SETD3: variants seen among roughly 807,000 people sequenced by gnomAD.
SETD3 encodes actin-histidine N-methyltransferase.
SETD3 carries 19 observed loss-of-function variants against 63.0 expected under a neutral mutation model. That is an observed-to-expected ratio of 0.30 (90% CI 0.21 to 0.44). SETD3 has a LOEUF of 0.44. Among genes scored for constraint, SETD3 ranks in the 20% least tolerant of loss-of-function variants. The pLI is 1.00. For missense variants in SETD3, 587 were observed against 728.5 expected, an observed-to-expected ratio of 0.81 and a Z score of 2.24; for synonymous variants, 286 against 264.1, an observed-to-expected ratio of 1.08 and a Z score of -0.80.
intron 6 of SETD3, among the ~76,000 whole-genome samples, chr14:99,446,087 G>C (rs1281704953): frequency 1.3e-5 from 2 of 152,144 alleles, no homozygotes; most frequent in Non-Finnish European, 2.9e-5. Context: ...CTCAGCTTCC[G>C]CCTTGACTGG....
chr14:99,416,945 T>C (rs1474267334), intron 6 of SETD3, among the ~76,000 whole-genome samples: 1 of 152,118 alleles, frequency 6.6e-6, no homozygotes, highest in Admixed American at 6.5e-5. Context: ...CACAGTAATA[T>C]TGTACCGAGT....
intron 1 of SETD3, among the ~76,000 whole-genome samples, chr14:99,471,214 G>A (rs1277904306): frequency 1.3e-5 from 2 of 152,114 alleles, no homozygotes; most frequent in African/African-American, 2.4e-5. Flanking sequence ...ACACATAGAA[G>A]GTCAAAATTT....
intron 1 of SETD3, among the ~76,000 whole-genome samples, chr14:99,469,797 C>T (rs1895598149): frequency 6.6e-6 from 1 of 152,160 alleles, no homozygotes; most frequent in African/African-American, 2.4e-5. Context: ...TGGACTCATC[C>T]CCATGCATGC....
chr14:99,452,180 C>T (rs1349415366), intron 6 of SETD3, among the ~76,000 whole-genome samples: 2 of 152,172 alleles, frequency 1.3e-5, no homozygotes, highest in Non-Finnish European at 2.9e-5. Context: ...GATCTCGGCT[C>T]ACTGCAACCT....
chr14:99,436,191 G>A (rs556673541), intron 6 of SETD3, among the ~76,000 whole-genome samples: 69 of 152,182 alleles, frequency 4.5e-4, no homozygotes, highest in African/African-American at 1.6e-3. Context: ...TGGTGATCAC[G>A]GGAATGATGG....
intron 12 of SETD3, 123 bp from the exon 13 acceptor site, chr14:99,399,248 A>G (rs1008891595): frequency 2.8e-5 from 20 of 702,274 alleles, no homozygotes; most frequent in Non-Finnish European, 4.1e-5. Flanking sequence ...AGGTTCTAAC[A>G]CTTGACTGGG....
intron 6 of SETD3, among the ~76,000 whole-genome samples, chr14:99,452,054 C>T (rs1432770265): frequency 1.3e-5 from 2 of 152,180 alleles, no homozygotes; most frequent in Non-Finnish European, 2.9e-5. Flanking sequence ...AGCCCAAGCC[C>T]CTACCATACA....
intron 1 of SETD3, among the ~76,000 whole-genome samples, chr14:99,468,474 T>C (rs1273341161): frequency 6.6e-6 from 1 of 152,186 alleles, no homozygotes. Flanking sequence ...TAAAGAATAA[T>C]GTGTAACATG....
intron 6 of SETD3, among the ~76,000 whole-genome samples, chr14:99,424,354 C>T (rs1201793694): frequency 1.3e-5 from 2 of 152,208 alleles, no homozygotes; most frequent in South Asian, 2.1e-4. Context: ...GAAGCAGGAA[C>T]GTGGGGAGGA....
chr14:99,416,349 G>C (rs1489638078), intron 6 of SETD3, among the ~76,000 whole-genome samples: 1 of 152,120 alleles, frequency 6.6e-6, no homozygotes, highest in Non-Finnish European at 1.5e-5. Flanking sequence ...AAATCTTTAA[G>C]CTCATACGTT....
chr14:99,406,550 C>T lies in SETD3; in HGVS notation c.890G>A (p.Cys297Tyr). The T allele has an allele frequency of 6.2e-7, 1 of 1,614,240 alleles. No homozygotes were observed. Among genetic ancestry groups the T allele is most frequent in the Non-Finnish European group, 8.5e-7 (1 of 1,180,048 alleles). Residue 297 changes from cysteine (C) to tyrosine (Y), a missense_variant, in exon 9 of 13, where the codon TGT (cysteine) becomes TAT (tyrosine). Physicochemically the swap from Cys to Tyr is radical, Grantham distance 194. Transcript: ENST00000331768. ...GYNLEDDRCE[C>Y]VALQDFRAGE... The stretch of plus-strand genomic sequence containing the variant: ...AGCCCGAAAATCCTGCAGAGCCACA[C>T]ACTCACAGCGGTCATCTTCCAGGTT...
rs540916185 is a variant in SETD3, at chr14:99,411,800, T to C, written c.849+1151A>G. 2.5e-3 allele frequency: 374 copies of C among 152,390 alleles called. 1 individual carries two copies. The highest frequency in any genetic ancestry group is 8.7e-3 in the African/African-American group (361 of 41,596). 9.4% of individuals were successfully genotyped at this position (152,390 alleles called of 1,614,324 possible). ...TATAAAACATGCTATTATGTTTTAG[T>C]ATTCATTACTAATTAAATTAACCAT... On this transcript the variant is annotated intron_variant, in intron 8 of 12. Coordinates refer to ENST00000331768, the MANE Select transcript of SETD3 (RefSeq NM_032233.3).
chr14:99,417,337 C>A (rs1188614002), intron 6 of SETD3, among the ~76,000 whole-genome samples: 1 of 152,166 alleles, frequency 6.6e-6, no homozygotes, highest in East Asian at 1.9e-4. Context: ...CTTAATAAAA[C>A]CTGTCGATAT....
In SETD3 at chr14:99,437,983, A is replaced by G. The variant is rs1438048951; in HGVS notation, c.675+20296T>C. Among the ~76,000 whole-genome samples the G allele has an allele frequency of 3.3e-5, 5 of 152,208 alleles. No homozygotes were observed. The East Asian group carries it at 9.6e-4, about 29-fold the overall frequency. On this transcript the variant is annotated intron_variant, in intron 6 of 12. Coordinates refer to ENST00000331768, the MANE Select transcript of SETD3 (RefSeq NM_032233.3). ...CTGGTTCCAGAAACCACAGCCACTA[A>G]TTCACTTTAAAGACCACACAAGAAC...
At chr14:99,412,116 T>C (rs1450605051) in intron 8 of SETD3, 1 of 152,246 alleles carries the variant, frequency 6.6e-6, no homozygotes, top group Non-Finnish European at 1.5e-5. Context: ...AGTATACTAG[T>C]ATAAAGTATG....
At chr14:99,403,878 T>A (rs1025448469) in intron 11 of SETD3, among the ~76,000 whole-genome samples, 1 of 152,192 alleles carries the variant, frequency 6.6e-6, no homozygotes, top group Non-Finnish European at 1.5e-5. Context: ...AACTGCTCTA[T>A]GTAAGTGAAA....
chr14:99,478,711 A>C (rs537519573), intron 1 of SETD3: 1 of 152,240 alleles, frequency 6.6e-6, no homozygotes, highest in East Asian at 1.9e-4. Flanking sequence ...ATTCACTCCA[A>C]GCAAGCCTCC....
chr14:99,431,319 C>A (rs369359177), intron 6 of SETD3, among the ~76,000 whole-genome samples: 41 of 152,314 alleles, frequency 2.7e-4, no homozygotes, highest in African/African-American at 9.4e-4. Flanking sequence ...CATGGAGAAA[C>A]TGTGGCCAAG....
At chr14:99,481,308 G>A (rs950298706), upstream of SETD3, 60 of 397,576 alleles carry the variant, frequency 1.5e-4, no homozygotes, top group South Asian at 1.2e-3. Flanking sequence ...CCTCTTTTGA[G>A]AGCTCTGCTT....
Sources: allele counts gnomAD v4.1 joint callset (sites outside exome capture counted in the v4.1 genomes callset), GRCh38; gene constraint gnomAD v4.1.1; transcripts MANE v1.5; gene names NCBI Gene and HGNC (gene_info 2026-07-23, HGNC 2026-07-21).